Variants in UBE4B observed in about 807,000 individuals in gnomAD.
The protein encoded by UBE4B is ubiquitination factor E4B, also known as ubiquitin conjugation factor E4 B.
Under a neutral mutation model 148.1 loss-of-function variants are expected in UBE4B, and 27 were observed. The ratio of observed to expected loss-of-function variants is 0.18; its 90% CI spans 0.13 to 0.25. The LOEUF (loss-of-function observed/expected upper bound fraction) is 0.25. UBE4B is among the 10% of genes least tolerant of loss of function. UBE4B has a pLI of 1.00. For missense variants in UBE4B, 1,170 were observed against 1,662.4 expected (o/e 0.70, Z 5.15); for synonymous variants, 596 against 619.3 (o/e 0.96, Z 0.56).
chr1:10,045,939 A>G (rs1244076739), intron 1 of UBE4B, among the ~76,000 whole-genome samples: 1 of 152,236 alleles, frequency 6.6e-6, no homozygotes, highest in African/African-American at 2.4e-5. Flanking sequence ...TGCTTAAGCC[A>G]GATAGATGTT....
chr1:10,136,263 A>T (rs1311512449), intron 16 of UBE4B, among the ~76,000 whole-genome samples: 1 of 152,018 alleles, frequency 6.6e-6, no homozygotes, highest in Non-Finnish European at 1.5e-5. Flanking sequence ...GCTTGAGCCC[A>T]GGAGTTCAAG....
intron 12 of UBE4B, among the ~76,000 whole-genome samples, chr1:10,129,705 C>T (rs997164516): frequency 6.6e-6 from 1 of 151,534 alleles, no homozygotes; most frequent in African/African-American, 2.4e-5. Flanking sequence ...GGATGGAGTG[C>T]AGTGGTGGGA....
chr1:10,158,554 T>C (rs1343905554), intron 22 of UBE4B, 72 bp downstream of exon 22: 1 of 1,563,050 alleles, frequency 6.4e-7, no homozygotes, highest in Non-Finnish European at 8.7e-7. Context: ...CTTAAAAGCA[T>C]GCACAGCTGG....
In UBE4B at chr1:10,103,070, G is replaced by A. The variant is rs774128689; in HGVS notation, c.558G>A (p.Gln186=). 157 of 1,608,530 alleles carry A rather than the reference G, an allele frequency of 9.8e-5. No homozygotes were observed. The highest frequency in any genetic ancestry group is 1.3e-4 in the Non-Finnish European group (154 of 1,177,024). The change falls in exon 5 of 28, where the codon CAG becomes CAA. Residue 186 remains glutamine (Q), a synonymous_variant. Coordinates refer to ENST00000343090, the MANE Select transcript of UBE4B (RefSeq NM_001105562.3). ...TCTTTCTTTCTTCTCTTTCTGCACA[G>A]TTTAAGCAGAACCCAAAAGAAGGTA... The part of the protein sequence containing the change: ...DVIFLSSLSA[Q]FKQNPKEVFS...
intron 21 of UBE4B, among the ~76,000 whole-genome samples, chr1:10,151,764 T>G (rs78193965): frequency 0.017 from 2,653 of 152,254 alleles, 35 homozygotes; most frequent in Non-Finnish European, 0.027. Context: ...TTCCACCTAC[T>G]GGTCTCTGAT....
intron 7 of UBE4B, among the ~76,000 whole-genome samples, chr1:10,108,401 TC>T (rs1645157693): frequency 6.6e-6 from 1 of 152,134 alleles, no homozygotes; most frequent in Non-Finnish European, 1.5e-5. Context: ...GAAACATAGT[TC>T]CGGATGTTGC....
chr1:10,135,098 T>C lies in UBE4B; in HGVS notation c.2136T>C (p.Phe712=), dbSNP rs909880181. ...KLETVDPTYI[F]HPRCRITLPN... ...AAACAGTTGATCCCACGTATATTTT[T>C]CACCCAAGATGTCGGATTACTCTTC... The change falls in exon 16 of 28, where the codon TTT becomes TTC. Residue 712 remains phenylalanine, a synonymous_variant. Coordinates refer to ENST00000343090, the MANE Select transcript of UBE4B (RefSeq NM_001105562.3). 1.2e-6 allele frequency: 2 copies of C among 1,614,156 alleles called. No individual in the cohort carries two copies. Among genetic ancestry groups the C allele is most frequent in the African/African-American group, 2.7e-5 (2 of 75,018 alleles).
intron 25 of UBE4B, among the ~76,000 whole-genome samples, chr1:10,175,470 T>A (rs1330709111): frequency 3.4e-5 from 5 of 149,182 alleles, no homozygotes; most frequent in East Asian, 2.0e-4. Flanking sequence ...GCTAACACGG[T>A]GAAACCCCAT....
At chr1:10,085,453 A>G (rs1052620243) in intron 2 of UBE4B, among the ~76,000 whole-genome samples, 2 of 152,186 alleles carry the variant, frequency 1.3e-5, no homozygotes, top group African/African-American at 2.4e-5. Context: ...CCTGAGGGGA[A>G]AGCCTTTGTG....
chr1:10,091,316 G>A (rs778472928), intron 2 of UBE4B, among the ~76,000 whole-genome samples: 6 of 152,144 alleles, frequency 3.9e-5, no homozygotes, highest in Non-Finnish European at 8.8e-5. Flanking sequence ...TGAAGACAAG[G>A]GAGTGTGTGA....
chr1:10,033,738 G>A (rs777653966), intron 1 of UBE4B, 44 bp downstream of exon 1: 1 of 1,522,990 alleles, frequency 6.6e-7, no homozygotes, highest in Admixed American at 2.1e-5. Context: ...TTGGCAACTC[G>A]TTAGCGCTTT....
At chr1:10,175,024 A>G (rs1646396514) in intron 25 of UBE4B, among the ~76,000 whole-genome samples, 1 of 152,200 alleles carries the variant, frequency 6.6e-6, no homozygotes, top group African/African-American at 2.4e-5. Context: ...ACAGCTTTGC[A>G]GGTAAAGAAA....
intron 15 of UBE4B, among the ~76,000 whole-genome samples, chr1:10,133,082 G>C (rs573255832): frequency 6.7e-6 from 1 of 149,262 alleles, no homozygotes; most frequent in African/African-American, 2.4e-5. Flanking sequence ...CAGACCCAAG[G>C]GGGCAGCCAG....
chr1:10,174,164 G>A (rs1440750037), intron 25 of UBE4B, among the ~76,000 whole-genome samples: 1 of 152,140 alleles, frequency 6.6e-6, no homozygotes, highest in Non-Finnish European at 1.5e-5. Flanking sequence ...GGGAGGCCAA[G>A]GTGGGTGGAT....
At chr1:10,092,349 C>CG (rs1290135951) in intron 2 of UBE4B, among the ~76,000 whole-genome samples, 6 of 152,176 alleles carry the variant, frequency 3.9e-5, no homozygotes, top group African/African-American at 1.4e-4. Context: ...CTCAGATTCC[C>CG]GAGTAGCTGG....
chr1:10,046,175 A>G (rs1045264795), intron 1 of UBE4B, among the ~76,000 whole-genome samples: 2 of 152,196 alleles, frequency 1.3e-5, no homozygotes, highest in Non-Finnish European at 2.9e-5. Flanking sequence ...TTTACCTCTC[A>G]CTGGCTGGAA....
At chr1:10,162,196 C>T (rs1351600638) in intron 23 of UBE4B, among the ~76,000 whole-genome samples, 3 of 151,892 alleles carry the variant, frequency 2.0e-5, no homozygotes, top group African/African-American at 7.3e-5. Flanking sequence ...GTTTTTGAGA[C>T]GGAGTCTTGC....
intron 1 of UBE4B, among the ~76,000 whole-genome samples, chr1:10,071,602 G>A (rs1360462229): frequency 6.6e-6 from 1 of 152,082 alleles, no homozygotes; most frequent in African/African-American, 2.4e-5. Flanking sequence ...AGTGTAATAT[G>A]CTTACCGTAA....
At chr1:10,172,234 A>G (rs993855719) in intron 25 of UBE4B, among the ~76,000 whole-genome samples, 5 of 152,298 alleles carry the variant, frequency 3.3e-5, no homozygotes, top group Admixed American at 2.0e-4. Flanking sequence ...TCTTCTAGTC[A>G]TCCCATAAAG....
Sources: gnomAD v4.1 joint callset for allele counts (sites outside exome capture counted in the v4.1 genomes callset) on GRCh38, gnomAD v4.1.1 for gene constraint, MANE v1.5 for transcripts, NCBI Gene and HGNC (gene_info 2026-07-23, HGNC 2026-07-21) for gene names.